Variants in RPS6KC1 observed in about 807,000 individuals in gnomAD.
RPS6KC1 encodes inactive ribosomal protein S6 kinase delta-1.
Under a neutral mutation model 103.8 loss-of-function variants are expected in RPS6KC1, and 54 were observed. That is an observed-to-expected ratio of 0.52 (90% CI 0.42 to 0.65). RPS6KC1 has a LOEUF of 0.65. Among genes scored for constraint, RPS6KC1 ranks in the 30% least tolerant of loss-of-function variants. RPS6KC1 has a pLI of 0.00. For synonymous variants in RPS6KC1, 439 were observed against 438.7 expected, an observed-to-expected ratio of 1.00 and a Z score of -0.01; for missense variants, 1,151 against 1,253.8, an observed-to-expected ratio of 0.92 and a Z score of 1.24.
the RPS6KC1 span, among the ~76,000 whole-genome samples, chr1:213,718,250 C>A: frequency 6.6e-6 from 1 of 152,368 alleles, no homozygotes; most frequent in Non-Finnish European, 1.5e-5. Flanking sequence ...AAAGGTAGAA[C>A]TGCTTTAGCC....
the RPS6KC1 span, among the ~76,000 whole-genome samples, chr1:213,646,780 C>T: frequency 6.6e-6 from 1 of 151,912 alleles, no homozygotes. Context: ...GCATTGAATC[C>T]CCCTCAGCAC....
At chr1:213,111,603 CTAA>C (rs1480193415) in intron 4 of RPS6KC1, among the ~76,000 whole-genome samples, 4 of 152,128 alleles carry the variant, frequency 2.6e-5, no homozygotes, top group South Asian at 2.1e-4. Context: ...CTTATGTCAA[CTAA>C]TAATAAACAT....
chr1:213,544,651 G>A, the RPS6KC1 span, among the ~76,000 whole-genome samples: 1 of 152,154 alleles, frequency 6.6e-6, no homozygotes, highest in African/African-American at 2.4e-5. Flanking sequence ...TGGGTTCTGA[G>A]GAGCCTTTGA....
At chr1:213,434,384 C>T in the RPS6KC1 span, among the ~76,000 whole-genome samples, 5 of 152,154 alleles carry the variant, frequency 3.3e-5, no homozygotes, top group Admixed American at 2.6e-4. Context: ...TAAAGATATT[C>T]CACTATTTTC....
At chr1:213,406,119 G>A in the RPS6KC1 span, among the ~76,000 whole-genome samples, 4 of 152,328 alleles carry the variant, frequency 2.6e-5, no homozygotes, top group South Asian at 6.2e-4. Context: ...AGGGGCCAGT[G>A]ACCCGGAGTG....
the RPS6KC1 span, among the ~76,000 whole-genome samples, chr1:213,527,741 G>A: frequency 4.0e-5 from 6 of 151,824 alleles, no homozygotes; most frequent in Non-Finnish European, 7.4e-5. Context: ...AGGGTTAGTG[G>A]TACTGACCCC....
At chr1:213,123,977 C>T (rs2084691113) in intron 5 of RPS6KC1, among the ~76,000 whole-genome samples, 1 of 152,112 alleles carries the variant, frequency 6.6e-6, no homozygotes, top group Admixed American at 6.6e-5. Flanking sequence ...ACCTGTTCCC[C>T]TGGGGCCTGT....
Position 213,187,689 on chromosome 1 carries a change from C to T in RPS6KC1, c.1044+11197C>T, listed in dbSNP as rs367589491. On this transcript the variant is annotated intron_variant, in intron 8 of 14. Coordinates refer to ENST00000366960, the MANE Select transcript of RPS6KC1 (RefSeq NM_012424.6). ...TTGCTTTCTTGTTAGGATCAGTTGC[C>T]GGATTTTTGTTTTGTCCTTTTGGGG... 1.7e-4 allele frequency among the ~76,000 whole-genome samples: 25 copies of T among 151,244 alleles called. 1 individual carries two copies. In the South Asian group the frequency reaches 3.2e-3, roughly 19 times the overall value.
the RPS6KC1 span, among the ~76,000 whole-genome samples, chr1:213,652,921 G>T: frequency 4.6e-5 from 7 of 152,292 alleles, no homozygotes; most frequent in South Asian, 2.1e-4. Flanking sequence ...TTTTGAGAAG[G>T]TTTGTCATGT....
chr1:213,389,342 G>A, the RPS6KC1 span, among the ~76,000 whole-genome samples: 1 of 152,216 alleles, frequency 6.6e-6, no homozygotes, highest in South Asian at 2.1e-4. Context: ...TTCCTGCAGA[G>A]ATCGACAGGA....
chr1:213,287,079 CTA>C, the RPS6KC1 span, among the ~76,000 whole-genome samples: 13 of 152,068 alleles, frequency 8.5e-5, no homozygotes, highest in Admixed American at 7.9e-4. Flanking sequence ...AAGTGAAAGA[CTA>C]AACAATAGTA....
chr1:213,628,888 C>A, the RPS6KC1 span, among the ~76,000 whole-genome samples: 1 of 152,006 alleles, frequency 6.6e-6, no homozygotes, highest in Non-Finnish European at 1.5e-5. Flanking sequence ...TGGAGTTGAG[C>A]AGTTTTGAGT....
chr1:213,520,544 A>G, the RPS6KC1 span, among the ~76,000 whole-genome samples: 1 of 152,092 alleles, frequency 6.6e-6, no homozygotes, highest in Non-Finnish European at 1.5e-5. Flanking sequence ...TAAGAAAGGG[A>G]CTTAAAAGGG....
At chr1:213,080,853 C>T (rs985579786) in intron 3 of RPS6KC1, among the ~76,000 whole-genome samples, 2 of 152,208 alleles carry the variant, frequency 1.3e-5, no homozygotes, top group Non-Finnish European at 1.5e-5. Flanking sequence ...GCGTGAGCCA[C>T]CGCACCCTGC....
the RPS6KC1 span, among the ~76,000 whole-genome samples, chr1:213,724,930 T>C: frequency 6.6e-6 from 1 of 152,194 alleles, no homozygotes; most frequent in African/African-American, 2.4e-5. Flanking sequence ...AGAGAGGTCA[T>C]GTAACTTGCC....
chr1:213,195,302 A>G (rs1266928868), intron 8 of RPS6KC1, among the ~76,000 whole-genome samples: 3 of 152,234 alleles, frequency 2.0e-5, no homozygotes, highest in African/African-American at 7.2e-5. Flanking sequence ...TTTTCTGCCT[A>G]TAATAGTATA....
the RPS6KC1 span, among the ~76,000 whole-genome samples, chr1:213,515,575 T>A: frequency 6.6e-6 from 1 of 152,344 alleles, no homozygotes; most frequent in Non-Finnish European, 1.5e-5. Context: ...CTCTGTTCTG[T>A]TCCATTGATC....
the RPS6KC1 span, among the ~76,000 whole-genome samples, chr1:213,540,603 A>G: frequency 3.3e-5 from 5 of 152,308 alleles, no homozygotes; most frequent in African/African-American, 1.2e-4. Flanking sequence ...TGCCCACCTC[A>G]GCTTCCTAAA....
chr1:213,394,457 C>T, the RPS6KC1 span, among the ~76,000 whole-genome samples: 1 of 152,150 alleles, frequency 6.6e-6, no homozygotes, highest in Non-Finnish European at 1.5e-5. Flanking sequence ...CCTCCACTGC[C>T]AGCCTCGGAA....
Sources: allele counts gnomAD v4.1 joint callset (sites outside exome capture counted in the v4.1 genomes callset), GRCh38; gene constraint gnomAD v4.1.1; transcripts MANE v1.5; gene names NCBI Gene and HGNC (gene_info 2026-07-23, HGNC 2026-07-21).